Variants in TNFAIP3 observed in about 807,000 individuals in gnomAD.
The protein encoded by TNFAIP3 is TNF alpha induced protein 3.
Under a neutral mutation model 72.4 loss-of-function variants are expected in TNFAIP3, and 9 were observed. That is an observed-to-expected ratio of 0.12 (90% CI 0.07 to 0.22). The LOEUF (loss-of-function observed/expected upper bound fraction) is 0.22, where lower values mean the gene tolerates loss of function less well. TNFAIP3 is among the 10% of genes least tolerant of loss of function. The pLI is 1.00. For synonymous variants in TNFAIP3, 339 were observed against 372.6 expected (o/e 0.91, Z 1.04); for missense variants, 833 against 1,018.7 (o/e 0.82, Z 2.48).
Position 137,878,710 on chromosome 6 carries a change from A to G in TNFAIP3, c.1265A>G (p.Asn422Ser), listed in dbSNP as rs1368337325. The G allele has an allele frequency of 6.2e-7, 1 of 1,613,720 alleles. No homozygotes were observed. Among genetic ancestry groups the G allele is most frequent in the Non-Finnish European group, 8.5e-7 (1 of 1,179,956 alleles). The change falls in exon 7 of 9, where the codon AAC (asparagine) becomes AGC (serine). Residue 422 changes from asparagine (N) to serine (S), a missense_variant. By Grantham distance (46) the Asn-to-Ser change is conservative. Around this residue, in one of 2 missense-constraint regions of TNFAIP3, gnomAD observed 587 missense variants for 657.8 expected, o/e 0.89. Coordinates refer to ENST00000612899, the MANE Select transcript of TNFAIP3 (RefSeq NM_001270508.2). ...AATCAAAACAAACTCCCAAAGCTGA[A>G]CTCCAAGCCGGGCCCTGAGGGGCTC... is the stretch of plus-strand genomic sequence containing the variant. ...QKNQNKLPKLNSKPGPEGLPG... is the reference protein window; with the variant it reads ...QKNQNKLPKLSSKPGPEGLPG...
chr6:137,881,556 C>T lies in TNFAIP3; in HGVS notation c.*237C>T. The T allele has an allele frequency of 4.6e-6, 2 of 436,608 alleles. No homozygotes were observed. The highest frequency in any genetic ancestry group is 8.1e-6 in the Non-Finnish European group (2 of 248,158). 27.0% of individuals were successfully genotyped at this position (436,608 alleles called of 1,614,324 possible). On this transcript the variant is annotated 3_prime_UTR_variant, in exon 9 of 9. Coordinates refer to ENST00000612899, the MANE Select transcript of TNFAIP3 (RefSeq NM_001270508.2). This position sits in a 1 kb window ranked among gnomAD's most constrained non-coding sequence, Gnocchi z 5.0. ...AACTGGCAAGGGATGATGTCAGATTCAGCCCAAGGTTCCTCCTCTCCTACC... is the reference window on the plus strand; with the variant it reads ...AACTGGCAAGGGATGATGTCAGATTTAGCCCAAGGTTCCTCCTCTCCTACC...
chr6:137,869,973 C>T (rs185261017), intron 1 of TNFAIP3, among the ~76,000 whole-genome samples: 1 of 152,334 alleles, frequency 6.6e-6, no homozygotes, highest in Admixed American at 6.5e-5. Context: ...AGAGATCCTA[C>T]ATCATGTTAA....
In TNFAIP3 at chr6:137,881,062, C is replaced by G. The variant is rs1255599518; in HGVS notation, c.2116C>G (p.Arg706Gly). Residue 706 changes from arginine (R) to glycine (G), a missense_variant, in exon 9 of 9, where the codon CGA (arginine) becomes GGA (glycine). By Grantham distance (125) the Arg-to-Gly change is moderately radical. Around this residue, in one of 2 missense-constraint regions of TNFAIP3, gnomAD observed 587 missense variants for 657.8 expected, o/e 0.89. Coordinates refer to ENST00000612899, the MANE Select transcript of TNFAIP3 (RefSeq NM_001270508.2). The surrounding 1 kb of genome is among the most constrained non-coding windows in gnomAD (Gnocchi z 5.0). The stretch of plus-strand genomic sequence containing the variant: ...ATCGAGCCAGCGCAGAGATGTGCCT[C>G]GAACCACACAAAGCACCTCAAGGCC... ...LRSSQRRDVP[R>G]TTQSTSRPKC... 3.7e-6 allele frequency: 6 copies of G among 1,612,094 alleles called. No individual in the cohort carries two copies.
Position 137,881,242 on chromosome 6 carries a change from G to A in TNFAIP3, c.2296G>A (p.Ala766Thr), listed in dbSNP as rs5029957. 7 of 1,600,322 alleles carry A rather than the reference G, an allele frequency of 4.4e-6. No homozygotes were observed. The highest frequency in any genetic ancestry group is 3.5e-5 in the Admixed American group (2 of 56,980). The change falls in exon 9 of 9, where the codon GCC (alanine) becomes ACC (threonine). Residue 766 changes from alanine to threonine, a missense_variant. Physicochemically the swap from Ala to Thr is moderately conservative, Grantham distance 58. Transcript: ENST00000612899. This position sits in a 1 kb window ranked among gnomAD's most constrained non-coding sequence, Gnocchi z 5.0. Reference protein sequence around the residue: ...DPPKQRCRAPACDHFGNAKCN... With the variant: ...DPPKQRCRAPTCDHFGNAKCN... Reference sequence around the variant, plus strand: ...CCCCAAGCAGCGTTGCCGGGCCCCCGCCTGTGATCATTTTGGCAATGCCAA... The same window carrying A: ...CCCCAAGCAGCGTTGCCGGGCCCCCACCTGTGATCATTTTGGCAATGCCAA...
intron 6 of TNFAIP3, among the ~76,000 whole-genome samples, 164 bp downstream of exon 6, chr6:137,877,420 T>G (rs1364029762): frequency 6.6e-6 from 1 of 152,244 alleles, no homozygotes; most frequent in East Asian, 1.9e-4. Context: ...GAGAGGATTA[T>G]GTAAGGCAGT....
In TNFAIP3 at chr6:137,882,915, C is replaced by A. The variant is rs549748293; in HGVS notation, c.*1596C>A. ...GCATTTTCCCCAGAGATAAAGGCTG[C>A]CATTTTGGGGGTCTGTACTTATGGC... is the stretch of plus-strand genomic sequence containing the variant. On this transcript the variant is annotated 3_prime_UTR_variant, in exon 9 of 9. Transcript: ENST00000612899. 6.8e-4 allele frequency: 155 copies of A among 227,134 alleles called. No homozygotes were observed. The highest frequency in any genetic ancestry group is 9.3e-4 in the Non-Finnish European group (106 of 114,432). The allele number at this position is 227,134 out of a possible 1,614,324, so 14.1% of individuals were successfully genotyped here.
chr6:137,879,449 A>G (rs1369232914), intron 7 of TNFAIP3, 98 bp downstream of exon 7: 10 of 1,377,568 alleles, frequency 7.3e-6, no homozygotes, highest in African/African-American at 1.4e-5. Flanking sequence ...GCAGTCAGGC[A>G]GAACTGTCAG....
At chr6:137,874,781 C>A in intron 2 of TNFAIP3, 64 bp from the exon 3 acceptor site, 14 of 1,535,868 alleles carry the variant, frequency 9.1e-6, no homozygotes, top group Non-Finnish European at 1.2e-5. Context: ...TTCTGAAAAC[C>A]TTTGCTGGGT....
intron 1 of TNFAIP3, among the ~76,000 whole-genome samples, chr6:137,870,203 T>C (rs1185311902): frequency 1.3e-5 from 2 of 152,258 alleles, no homozygotes; most frequent in Non-Finnish European, 2.9e-5. Flanking sequence ...TAAAATTTCA[T>C]TGGCAGTTGA....
Position 137,867,905 on chromosome 6 carries a change from A to G in TNFAIP3, c.-16+363A>G, listed in dbSNP as rs1320453104. 2 of 152,346 alleles carry G rather than the reference A, an allele frequency of 1.3e-5. No homozygotes were observed. Among genetic ancestry groups the G allele is most frequent in the Non-Finnish European group, 2.9e-5 (2 of 68,054 alleles). The allele number at this position is 152,346 out of a possible 1,614,324, so 9.4% of individuals were successfully genotyped here. A position where few individuals can be genotyped will look rare whatever the true frequency, so the allele number is the denominator to read the frequency against. On this transcript the variant is annotated intron_variant, in intron 1 of 8. Transcript: ENST00000612899. The surrounding 1 kb of genome is among the most constrained non-coding windows in gnomAD (Gnocchi z 6.0). ...TTTTGGAGCCAAGCGTTGCATGCTC[A>G]TGGCCACGTAGACCTTGCAGAAGCG...
At chr6:137,866,903 T>C (rs1391047818), upstream of TNFAIP3, 2 of 152,322 alleles carry the variant, frequency 1.3e-5, no homozygotes, top group Non-Finnish European at 2.9e-5. Flanking sequence ...AAGAACCTAT[T>C]TCATTTCCAG....
At chr6:137,868,403 C>G (rs1279363444) in intron 1 of TNFAIP3, among the ~76,000 whole-genome samples, 2 of 152,146 alleles carry the variant, frequency 1.3e-5, no homozygotes, top group African/African-American at 4.8e-5. Flanking sequence ...CCTTAATGTA[C>G]CAGATTATTG....
chr6:137,879,822 G>T (rs968223486), intron 7 of TNFAIP3, among the ~76,000 whole-genome samples: 5 of 152,240 alleles, frequency 3.3e-5, no homozygotes, highest in African/African-American at 1.2e-4. Flanking sequence ...CCTGCTCCTT[G>T]CCTGTTCCTG....
chr6:137,871,357 C>T lies in TNFAIP3; in HGVS notation c.130C>T (p.His44Tyr), dbSNP rs1478172750. The change falls in exon 2 of 9, where the codon CAC (histidine) becomes TAC (tyrosine). Residue 44 changes from histidine (H) to tyrosine (Y), a missense_variant. This residue lies in a region of TNFAIP3 where 246 missense variants were observed against 360.9 expected (regional missense o/e 0.68). Coordinates refer to ENST00000612899, the MANE Select transcript of TNFAIP3 (RefSeq NM_001270508.2). This position sits in a 1 kb window ranked among gnomAD's most constrained non-coding sequence, Gnocchi z 4.2. ...GATCATTCATCATTTTAAAACCATGCACCGATACACACTGGAAATGTTCAG... is the reference window on the plus strand; with the variant it reads ...GATCATTCATCATTTTAAAACCATGTACCGATACACACTGGAAATGTTCAG... Reference protein sequence around the residue: ...NGIIHHFKTMHRYTLEMFRTC... With the variant: ...NGIIHHFKTMYRYTLEMFRTC... 1.2e-6 allele frequency: 2 copies of T among 1,614,168 alleles called. No homozygotes were observed. The highest frequency in any genetic ancestry group is 2.2e-5 in the South Asian group (2 of 91,084).
At position 137,882,322 on chromosome 6, in the gene TNFAIP3, A is replaced by T; in HGVS notation, c.*1003A>T. The stretch of plus-strand genomic sequence containing the variant: ...TGTAATTCACTTTATTTATTTTATT[A>T]CAAACTTCAAGATTATTTAAGTGAA... On this transcript the variant is annotated 3_prime_UTR_variant, in exon 9 of 9. Transcript: ENST00000612899. 1 of 231,886 alleles carries T rather than the reference A, an allele frequency of 4.3e-6. No homozygotes were observed. The highest frequency in any genetic ancestry group is 8.5e-6 in the Non-Finnish European group (1 of 117,148). 14.4% of individuals were successfully genotyped at this position (231,886 alleles called of 1,614,324 possible).
At chr6:137,869,039 G>C (rs1775944395) in intron 1 of TNFAIP3, among the ~76,000 whole-genome samples, 2 of 152,168 alleles carry the variant, frequency 1.3e-5, no homozygotes, top group South Asian at 4.1e-4. Flanking sequence ...TCTTCCTACT[G>C]CCCATCTCTT....
chr6:137,877,967 A>G (rs1348666991), intron 6 of TNFAIP3, among the ~76,000 whole-genome samples: 2 of 152,220 alleles, frequency 1.3e-5, no homozygotes, highest in East Asian at 1.9e-4. Context: ...GGTGGAGACT[A>G]GACACAAGTT....
intron 8 of TNFAIP3, among the ~76,000 whole-genome samples, chr6:137,880,747 G>A (rs1776422577): frequency 6.6e-6 from 1 of 152,160 alleles, no homozygotes; most frequent in Admixed American, 6.5e-5. Flanking sequence ...AAGAACAGTG[G>A]TTTTTGGTCC....
At chr6:137,869,376 TGGACGGACGGACGGACGGAC>T (rs71547071) in intron 1 of TNFAIP3, among the ~76,000 whole-genome samples, 3,799 of 142,058 alleles carry the variant, frequency 0.027, 98 homozygotes, top group Admixed American at 0.059. Context: ...GATGGATGGA[TGGACGGACGGACGGACGGAC>T]GGATAGATGA....
Sources: gnomAD v4.1 joint callset for allele counts (sites outside exome capture counted in the v4.1 genomes callset) on GRCh38, gnomAD v4.1.1 for gene constraint, gnomAD v4.1.1 regional missense constraint, Gnocchi (gnomAD v3.1) non-coding constraint, MANE v1.5 for transcripts, NCBI Gene and HGNC (gene_info 2026-07-23, HGNC 2026-07-21) for gene names.